The following TMEM94 variants were observed in gnomAD, a reference collection of about 807,000 sequenced individuals.
The protein encoded by TMEM94 is transmembrane protein 94, also known as ER Mg2+ ATPase.
In TMEM94, 81 loss-of-function variants were observed where a neutral mutation model predicts 158.6. That is an observed-to-expected ratio of 0.51 (90% CI 0.43 to 0.61). The LOEUF is 0.61. Among genes scored for constraint, TMEM94 ranks in the 20% least tolerant of loss-of-function variants. TMEM94 has a pLI of 0.00. For missense variants in TMEM94, 1,435 were observed against 1,762.0 expected (o/e 0.81, Z 3.32); for synonymous variants, 751 against 730.7 (o/e 1.03, Z -0.45).
Position 75,490,257 on chromosome 17 carries a change from C to A in TMEM94, c.978C>A (p.Leu326=). Reference sequence around the variant, plus strand: ...AGGTGAATGGCGTCCTGCCCATCCTCCCCCTGCTCTTTCCAGTCCTCTGGG... The same window carrying A: ...AGGTGAATGGCGTCCTGCCCATCCTACCCCTGCTCTTTCCAGTCCTCTGGG... The part of the protein sequence containing the change: ...QLQVNGVLPI[L]PLLFPVLWVL... Residue 326 remains leucine, a synonymous_variant, in exon 10 of 32, where the codon CTC becomes CTA. Transcript: ENST00000314256. The A allele has an allele frequency of 1.9e-6, 3 of 1,614,100 alleles. No individual in the cohort carries two copies. Among genetic ancestry groups the A allele is most frequent in the Non-Finnish European group, 2.5e-6 (3 of 1,180,002 alleles).
At chr17:75,462,257 G>A (rs2050104866) in intron 1 of TMEM94, among the ~76,000 whole-genome samples, 1 of 151,514 alleles carries the variant, frequency 6.6e-6, no homozygotes, top group South Asian at 2.1e-4. Flanking sequence ...GTGATCTGCC[G>A]GTCTCGATCT....
At chr17:75,478,085 G>T (rs1372022123) in intron 2 of TMEM94, among the ~76,000 whole-genome samples, 2 of 117,734 alleles carry the variant, frequency 1.7e-5, no homozygotes, top group African/African-American at 6.4e-5. Flanking sequence ...GCGGGATCTC[G>T]GCTCACTGCA....
At chr17:75,463,096 A>C (rs1339736421) in intron 1 of TMEM94, among the ~76,000 whole-genome samples, 1 of 12,376 alleles carries the variant, frequency 8.1e-5, no homozygotes, top group Non-Finnish European at 1.7e-4. Flanking sequence ...ACACACACAT[A>C]TATATGTGTG....
intron 1 of TMEM94, among the ~76,000 whole-genome samples, chr17:75,469,244 G>T (rs1036352926): frequency 6.6e-6 from 1 of 152,110 alleles, no homozygotes; most frequent in Non-Finnish European, 1.5e-5. Flanking sequence ...TCGTTCTGGG[G>T]ATGCAGTGGA....
Position 75,495,084 on chromosome 17 carries a change from C to G in TMEM94, c.2728+50C>G. The G allele has an allele frequency of 6.3e-7, 1 of 1,595,994 alleles. No individual in the cohort carries two copies. The highest frequency in any genetic ancestry group is 8.5e-7 in the Non-Finnish European group (1 of 1,170,172). On this transcript the variant is annotated intron_variant, in intron 20 of 31. Coordinates refer to ENST00000314256, the MANE Select transcript of TMEM94 (RefSeq NM_014738.6). The surrounding 1 kb of genome is among the most constrained non-coding windows in gnomAD (Gnocchi z 5.6). ...GACGGGGTGGCGGTGGGAGGATTCC[C>G]CTCCTCAGAGCCACAGCCAGGAAGA...
rs2052256542 is a variant in TMEM94 at position 75,492,126 on chromosome 17, C to T, written c.1596+226C>T. On this transcript the variant is annotated intron_variant, in intron 14 of 31. Transcript: ENST00000314256. This position sits in a 1 kb window ranked among gnomAD's most constrained non-coding sequence, Gnocchi z 4.4. ...TCTTGTAATCGCAATCACTGGTGTC[C>T]CTACTGGAACCTTCCAAATATACAC... The T allele has an allele frequency of 1.2e-6, 1 of 805,874 alleles. No homozygotes were observed. Among genetic ancestry groups the T allele is most frequent in the East Asian group, 2.7e-5 (1 of 37,146 alleles). 49.9% of individuals were successfully genotyped at this position (805,874 alleles called of 1,614,324 possible). A position where few individuals can be genotyped will look rare whatever the true frequency, so the allele number is the denominator to read the frequency against.
chr17:75,460,515 A>ATTT lies in TMEM94; in HGVS notation c.-107+3779_-107+3781dup, dbSNP rs537401657. 3.5e-3 allele frequency among the ~76,000 whole-genome samples: 499 copies of ATTT among 140,708 alleles called. 7 individuals are homozygous for ATTT. Among genetic ancestry groups the ATTT allele is most frequent in the African/African-American group, 0.012 (449 of 37,914 alleles). The allele number at this position is 140,708 out of a possible 152,430, so 92.3% of individuals were successfully genotyped here. A position where few individuals can be genotyped will look rare whatever the true frequency, so the allele number is the denominator to read the frequency against. ...GCAAAATCAGAATCAGGAGCTGCTG[A>ATTT]TTTTTTTTTTTTTTTTTGAGACAGA... is the stretch of plus-strand genomic sequence containing the variant. On this transcript the variant is annotated intron_variant, in intron 1 of 31. Transcript: ENST00000314256.
rs1169062464 is a variant in TMEM94 at position 75,485,738 on chromosome 17, C to G, written c.145-133C>G. 7.4e-7 allele frequency: 1 copy of G among 1,354,226 alleles called. No homozygotes were observed. Among genetic ancestry groups the G allele is most frequent in the African/African-American group, 1.5e-5 (1 of 68,150 alleles). The allele number at this position is 1,354,226 out of a possible 1,614,324, so 83.9% of individuals were successfully genotyped here. The stretch of plus-strand genomic sequence containing the variant: ...GAGCCTGCTTGCTGCAGGAGCCCAA[C>G]AGGCTGGAGCCCAGCCGAGGTCAAA... On this transcript the variant is annotated intron_variant, in intron 3 of 31. Transcript: ENST00000314256. The surrounding 1 kb of genome is among the most constrained non-coding windows in gnomAD (Gnocchi z 5.5).
intron 1 of TMEM94, among the ~76,000 whole-genome samples, chr17:75,465,797 C>T (rs1209095980): frequency 6.6e-6 from 1 of 151,376 alleles, no homozygotes; most frequent in Non-Finnish European, 1.5e-5. Context: ...CCTCAGCCTC[C>T]CAAAGTGCTA....
At chr17:75,496,980 T>C in intron 25 of TMEM94, 133 bp from the exon 26 acceptor site, 1 of 1,010,424 alleles carries the variant, frequency 9.9e-7, no homozygotes, top group Non-Finnish European at 1.5e-6. Context: ...AGAAGAGTAT[T>C]CCCTCCGGCC....
Position 75,486,272 on chromosome 17 carries a change from T to C in TMEM94, c.273-18T>C. 6.2e-7 allele frequency: 1 copy of C among 1,613,730 alleles called. No homozygotes were observed. The highest frequency in any genetic ancestry group is 8.5e-7 in the Non-Finnish European group (1 of 1,179,722). On this transcript the variant is annotated intron_variant, in intron 4 of 31. Transcript: ENST00000314256. The stretch of plus-strand genomic sequence containing the variant: ...GCCCTCACTCCCTGTGGGTGCGGCC[T>C]CTCTTTCCTCCCACCAGCCGTGGGG...
At position 75,495,633 on chromosome 17, in the gene TMEM94, C is replaced by A. The variant is rs772091232; in HGVS notation, c.2934C>A (p.Cys978Ter). 1 of 1,613,448 alleles carries A rather than the reference C, an allele frequency of 6.2e-7. No individual in the cohort carries two copies. Among genetic ancestry groups the A allele is most frequent in the Non-Finnish European group, 8.5e-7 (1 of 1,179,936 alleles). ...VPLLVPLFTDCTPETMCEMIK... is the reference protein window; with the variant it reads ...VPLLVPLFTD ...TGCTAGTGCCCCTTTTCACCGACTG[C>A]ACCCCAGAGAGTGAGTGCTGTGGCC... Residue 978 changes from cysteine (C) to a stop codon, truncating the protein, a stop_gained, in exon 22 of 32, where the codon TGC becomes TGA. Coordinates refer to ENST00000314256, the MANE Select transcript of TMEM94 (RefSeq NM_014738.6). LOFTEE classifies it high-confidence loss of function. The surrounding 1 kb of genome is among the most constrained non-coding windows in gnomAD (Gnocchi z 5.6).
intron 2 of TMEM94, among the ~76,000 whole-genome samples, chr17:75,479,233 G>A (rs894114088): frequency 1.2e-4 from 19 of 152,074 alleles, no homozygotes; most frequent in Non-Finnish European, 2.9e-5. Context: ...TATGGGAGGC[G>A]GGAGGATTGC....
At chr17:75,458,840 G>A (rs1397371689) in intron 1 of TMEM94, among the ~76,000 whole-genome samples, 1 of 151,912 alleles carries the variant, frequency 6.6e-6, no homozygotes, top group African/African-American at 2.4e-5. Flanking sequence ...GGCGGATCAC[G>A]AGGTCAGGAG....
chr17:75,475,827 C>T (rs531297926), intron 2 of TMEM94, among the ~76,000 whole-genome samples: 3 of 152,324 alleles, frequency 2.0e-5, no homozygotes, highest in Non-Finnish European at 2.9e-5. Context: ...TGAGGGTCTC[C>T]GTGCTACCTG....
Position 75,485,496 on chromosome 17 carries a change from G to A in TMEM94, c.93G>A (p.Glu31=), listed in dbSNP as rs2051515383. The A allele has an allele frequency of 6.2e-7, 1 of 1,614,110 alleles. No individual in the cohort carries two copies. The change falls in exon 3 of 32, where the codon GAG becomes GAA. Residue 31 remains glutamate, a synonymous_variant. Coordinates refer to ENST00000314256, the MANE Select transcript of TMEM94 (RefSeq NM_014738.6). This position sits in a 1 kb window ranked among gnomAD's most constrained non-coding sequence, Gnocchi z 5.5. The part of the protein sequence containing the change: ...KALSVLKEQL[E]AVLEGHLRER... ...TCAGCGTCCTGAAGGAGCAGCTGGAGGCAGTGCTGGAAGGACATCTCAGGG... is the reference window on the plus strand; with the variant it reads ...TCAGCGTCCTGAAGGAGCAGCTGGAAGCAGTGCTGGAAGGACATCTCAGGG...
intron 2 of TMEM94, among the ~76,000 whole-genome samples, chr17:75,481,591 A>C (rs904927552): frequency 1.3e-5 from 2 of 152,152 alleles, no homozygotes; most frequent in Non-Finnish European, 2.9e-5. Flanking sequence ...AGGAGGGGGT[A>C]TGTGTGGAGA....
Position 75,492,629 on chromosome 17 carries a change from C to A in TMEM94, c.1752C>A (p.Pro584=). The change falls in exon 15 of 32, where the codon CCC becomes CCA. Residue 584 remains proline, a synonymous_variant. Transcript: ENST00000314256. This position sits in a 1 kb window ranked among gnomAD's most constrained non-coding sequence, Gnocchi z 4.4. ...AGCTGCACCTCACCTCCCTCAAACCCCTGGGCCTCAATGTGCTGCTGAACC... is the reference window on the plus strand; with the variant it reads ...AGCTGCACCTCACCTCCCTCAAACCACTGGGCCTCAATGTGCTGCTGAACC... ...NWQLHLTSLK[P]LGLNVLLNLC... The A allele has an allele frequency of 6.2e-7, 1 of 1,614,122 alleles. No homozygotes were observed. Among genetic ancestry groups the A allele is most frequent in the East Asian group, 2.2e-5 (1 of 44,884 alleles).
intron 1 of TMEM94, among the ~76,000 whole-genome samples, chr17:75,471,174 T>C (rs1423259323): frequency 7.4e-6 from 1 of 134,700 alleles, no homozygotes; most frequent in Non-Finnish European, 1.5e-5. Flanking sequence ...AGGTGGAGGT[T>C]GCAACAATGA....
Sources: gnomAD v4.1 joint callset for allele counts (sites outside exome capture counted in the v4.1 genomes callset) on GRCh38, gnomAD v4.1.1 for gene constraint, Gnocchi (gnomAD v3.1) non-coding constraint, MANE v1.5 for transcripts, NCBI Gene and HGNC (gene_info 2026-07-23, HGNC 2026-07-21) for gene names.